Variants in SLC12A8 observed in about 807,000 individuals in gnomAD.
SLC12A8 encodes solute carrier family 12 member 8.
A neutral mutation model predicts 75.6 loss-of-function variants in SLC12A8; 69 were observed. The observed-to-expected ratio is 0.91, with a 90% CI of 0.75 to 1.11. The LOEUF is 1.11. Among genes scored for constraint, SLC12A8 ranks in the 50% most tolerant of loss-of-function variants. SLC12A8 has a pLI of 0.00. For synonymous variants in SLC12A8, 365 were observed against 372.8 expected, an observed-to-expected ratio of 0.98 and a Z score of 0.24; for missense variants, 877 against 896.7, an observed-to-expected ratio of 0.98 and a Z score of 0.28.
At chr3:125,188,354 T>A (rs930101423) in intron 3 of SLC12A8, among the ~76,000 whole-genome samples, 3 of 152,228 alleles carry the variant, frequency 2.0e-5, no homozygotes, top group African/African-American at 7.2e-5. Context: ...TAAATAAACC[T>A]CTTTTCTTCA....
At chr3:125,112,315 T>C (rs1939208040) in intron 8 of SLC12A8, among the ~76,000 whole-genome samples, 1 of 152,228 alleles carries the variant, frequency 6.6e-6, no homozygotes, top group Non-Finnish European at 1.5e-5. Context: ...TTCTTGGGTT[T>C]GTCCTGCCCA....
intron 8 of SLC12A8, among the ~76,000 whole-genome samples, chr3:125,112,689 TCTC>T (rs1939217470): frequency 6.6e-6 from 1 of 152,190 alleles, no homozygotes; most frequent in African/African-American, 2.4e-5. Context: ...ATTTCCGTCT[TCTC>T]TACCAAATGC....
At chr3:125,105,032 C>T (rs976050235) in intron 10 of SLC12A8, among the ~76,000 whole-genome samples, 1 of 151,876 alleles carries the variant, frequency 6.6e-6, no homozygotes, top group Admixed American at 6.6e-5. Flanking sequence ...TTTTGTTATC[C>T]TCAGTCAAAA....
At chr3:125,205,319 T>A (rs1935205663) in intron 2 of SLC12A8, among the ~76,000 whole-genome samples, 4 of 152,196 alleles carry the variant, frequency 2.6e-5, no homozygotes, top group African/African-American at 9.7e-5. Context: ...CATCGACCTC[T>A]GCATGTTCTC....
chr3:125,175,600 T>C (rs1006173128), intron 5 of SLC12A8, among the ~76,000 whole-genome samples: 6 of 152,116 alleles, frequency 3.9e-5, no homozygotes, highest in African/African-American at 1.4e-4. Flanking sequence ...TTTCACTAAT[T>C]GAGCTCTTCC....
rs555868490 is a variant in SLC12A8 at position 125,207,188 on chromosome 3, C to T, written c.51+4111G>A. ...GGTTCTGACGGGGAGCCTGCTCCCA[C>T]GGCCTGCAGCGGGTTTTTTCTAGAA... On this transcript the variant is annotated intron_variant, in intron 2 of 13. Transcript: ENST00000469902. Among the ~76,000 whole-genome samples the T allele has an allele frequency of 1.4e-3, 208 of 152,260 alleles. 1 individual carries two copies. Among genetic ancestry groups the T allele is most frequent in the South Asian group, 5.0e-3 (24 of 4,820 alleles).
chr3:125,167,763 G>A lies in SLC12A8; in HGVS notation c.622+9980C>T, dbSNP rs200023590. On this transcript the variant is annotated intron_variant, in intron 5 of 13. Transcript: ENST00000469902. ...AAGAGCAAGAACTTAGGTCTAATAC[G>A]GCATGGTGAAGAGAATTCCAGAATT... Among the ~76,000 whole-genome samples the A allele has an allele frequency of 9.2e-5, 14 of 152,270 alleles. No individual in the cohort carries two copies. The East Asian group carries it at 2.3e-3, about 25-fold the overall frequency.
At chr3:125,101,865 C>T (rs371510888) in intron 10 of SLC12A8, among the ~76,000 whole-genome samples, 9 of 152,170 alleles carry the variant, frequency 5.9e-5, no homozygotes, top group African/African-American at 2.2e-4. Flanking sequence ...TGCTCAATTG[C>T]TCATCAATTC....
At chr3:125,104,239 G>A (rs1480516235) in intron 10 of SLC12A8, among the ~76,000 whole-genome samples, 1 of 152,068 alleles carries the variant, frequency 6.6e-6, no homozygotes. Context: ...TGGAGTAGCC[G>A]GGGCTACAGG....
intron 5 of SLC12A8, among the ~76,000 whole-genome samples, chr3:125,145,696 G>A (rs1017137218): frequency 6.6e-6 from 1 of 152,110 alleles, no homozygotes; most frequent in Non-Finnish European, 1.5e-5. Flanking sequence ...ACATACCTGT[G>A]ATCAAGTTTA....
At chr3:125,178,761 C>T (rs965914142) in intron 4 of SLC12A8, among the ~76,000 whole-genome samples, 11 of 152,234 alleles carry the variant, frequency 7.2e-5, no homozygotes, top group African/African-American at 2.7e-4. Context: ...ATTTACTAAT[C>T]TGACCTCTGT....
intron 13 of SLC12A8, among the ~76,000 whole-genome samples, chr3:125,087,078 G>A (rs1055706569): frequency 4.7e-5 from 7 of 150,202 alleles, no homozygotes; most frequent in Admixed American, 2.7e-4. Flanking sequence ...TACATCTCAC[G>A]TTACATGTAT....
intron 10 of SLC12A8, among the ~76,000 whole-genome samples, chr3:125,097,363 T>C (rs781747796): frequency 3.3e-5 from 5 of 151,414 alleles, no homozygotes; most frequent in Non-Finnish European, 7.4e-5. Flanking sequence ...CATTGTAGCA[T>C]GGGCAACAGA....
intron 2 of SLC12A8, among the ~76,000 whole-genome samples, chr3:125,210,864 A>C (rs1224459341): frequency 2.0e-5 from 3 of 152,222 alleles, no homozygotes; most frequent in Non-Finnish European, 4.4e-5. Flanking sequence ...GGAGAAGATA[A>C]AGAAAAAAGA....
intron 5 of SLC12A8, among the ~76,000 whole-genome samples, chr3:125,160,831 A>T (rs1299361275): frequency 7.6e-6 from 1 of 132,412 alleles, no homozygotes; most frequent in Non-Finnish European, 1.6e-5. Context: ...TGGGACTCGG[A>T]GGGAGCTGCA....
intron 6 of SLC12A8, among the ~76,000 whole-genome samples, chr3:125,125,409 A>T (rs1011013470): frequency 5.9e-5 from 9 of 152,114 alleles, no homozygotes; most frequent in Admixed American, 5.2e-4. Context: ...AATACAAAAA[A>T]TTAGCCAGGC....
At chr3:125,091,886 T>C (rs1182290982) in intron 11 of SLC12A8, among the ~76,000 whole-genome samples, 4 of 152,238 alleles carry the variant, frequency 2.6e-5, no homozygotes, top group Non-Finnish European at 5.9e-5. Context: ...GAAGTTATCA[T>C]AGACAATTAT....
chr3:125,100,357 T>C (rs1560050934), intron 10 of SLC12A8, among the ~76,000 whole-genome samples: 1 of 152,160 alleles, frequency 6.6e-6, no homozygotes, highest in Non-Finnish European at 1.5e-5. Context: ...ACAAATCTGC[T>C]ATTTTTATTT....
At chr3:125,139,150 C>G (rs1434067738) in intron 5 of SLC12A8, among the ~76,000 whole-genome samples, 2 of 152,172 alleles carry the variant, frequency 1.3e-5, no homozygotes, top group African/African-American at 2.4e-5. Context: ...CGTTTGTACT[C>G]TGTTTCCCAA....
Sources: allele counts gnomAD v4.1 joint callset (sites outside exome capture counted in the v4.1 genomes callset), GRCh38; gene constraint gnomAD v4.1.1; transcripts MANE v1.5; gene names NCBI Gene and HGNC (gene_info 2026-07-23, HGNC 2026-07-21).